TRPS1: variants seen among roughly 807,000 people sequenced by gnomAD.
The protein encoded by TRPS1 is transcriptional repressor GATA binding 1.
In TRPS1, 6 loss-of-function variants were observed where a neutral mutation model predicts 101.2. The observed-to-expected ratio is 0.06, with a 90% CI of 0.03 to 0.12. The LOEUF (loss-of-function observed/expected upper bound fraction) is 0.12, where lower values mean the gene tolerates loss of function less well. Among genes scored for constraint, TRPS1 ranks in the 10% least tolerant of loss-of-function variants. The pLI is 1.00. For synonymous variants in TRPS1, 578 were observed against 589.8 expected (o/e 0.98, Z 0.29); for missense variants, 1,363 against 1,567.0 (o/e 0.87, Z 2.20).
At chr8:115,635,582 T>C (rs1818749902) in intron 1 of TRPS1, among the ~76,000 whole-genome samples, 1 of 151,940 alleles carries the variant, frequency 6.6e-6, no homozygotes, top group Non-Finnish European at 1.5e-5. Flanking sequence ...AAGAAATAAA[T>C]AAACAAGGAA....
chr8:115,566,696 A>G (rs958293251), intron 5 of TRPS1, among the ~76,000 whole-genome samples: 1 of 152,116 alleles, frequency 6.6e-6, no homozygotes, highest in Non-Finnish European at 1.5e-5. Flanking sequence ...GGCAACTTCA[A>G]CCTCTATCTG....
chr8:115,618,270 T>C (rs950719727), intron 3 of TRPS1, among the ~76,000 whole-genome samples: 40 of 152,278 alleles, frequency 2.6e-4, no homozygotes, highest in African/African-American at 7.9e-4. Context: ...TAATACACTT[T>C]CTCAAGCTGA....
intron 5 of TRPS1, among the ~76,000 whole-genome samples, chr8:115,458,329 A>G (rs1365329230): frequency 6.6e-6 from 1 of 152,210 alleles, no homozygotes; most frequent in Non-Finnish European, 1.5e-5. Context: ...GTGAGTATTT[A>G]GTCAAGTTTA....
At chr8:115,482,662 G>T (rs1307561415) in intron 5 of TRPS1, among the ~76,000 whole-genome samples, 1 of 152,074 alleles carries the variant, frequency 6.6e-6, no homozygotes, top group African/African-American at 2.4e-5. Flanking sequence ...AGTCCCTAAG[G>T]CAAGGTAACT....
chr8:115,666,169 T>A (rs1467874916), intron 1 of TRPS1, among the ~76,000 whole-genome samples: 1 of 152,166 alleles, frequency 6.6e-6, no homozygotes, highest in Non-Finnish European at 1.5e-5. Context: ...GAGATGTTTT[T>A]ATCCAAAGGT....
intron 5 of TRPS1, among the ~76,000 whole-genome samples, chr8:115,534,110 GA>G: frequency 6.8e-6 from 1 of 146,336 alleles, no homozygotes; most frequent in African/African-American, 2.5e-5. Context: ...CTCTAACCCT[GA>G]TACCATCACA....
At chr8:115,524,389 C>G (rs910433301) in intron 5 of TRPS1, among the ~76,000 whole-genome samples, 4 of 139,408 alleles carry the variant, frequency 2.9e-5, no homozygotes, top group African/African-American at 1.1e-4. Context: ...GGTGTGATCT[C>G]AGCTCACCGC....
At position 115,517,988 on chromosome 8, in the gene TRPS1, C is replaced by T. The variant is rs921000812; in HGVS notation, c.2700+69013G>A. 4.0e-5 allele frequency among the ~76,000 whole-genome samples: 6 copies of T among 150,876 alleles called. No homozygotes were observed. The East Asian group carries it at 7.9e-4, about 20-fold the overall frequency. ...TGGATCCAGTAGATGTTCAGCAAGC[C>T]GCTCTGGTGTAGGAAAGGCTTCCAA... On this transcript the variant is annotated intron_variant, in intron 5 of 6. Coordinates refer to ENST00000395715, the MANE Select transcript of TRPS1 (RefSeq NM_014112.5).
intron 5 of TRPS1, among the ~76,000 whole-genome samples, chr8:115,526,845 A>G (rs144038976): frequency 1.3e-5 from 2 of 152,278 alleles, no homozygotes; most frequent in Admixed American, 6.5e-5. Context: ...CAGTAGCCCA[A>G]TTTTGAACAA....
Position 115,623,710 on chromosome 8 carries a change from G to C in TRPS1, c.-73C>G. 1 of 1,586,324 alleles carries C rather than the reference G, an allele frequency of 6.3e-7. No homozygotes were observed. Among genetic ancestry groups the C allele is most frequent in the Non-Finnish European group, 8.6e-7 (1 of 1,164,970 alleles). ...GCAGGAGGCTAATGCAATTGTCTTA[G>C]AAGACGCTCAGAAGACACAGAAGAC... On this transcript the variant is annotated 5_prime_UTR_variant, in exon 2 of 7. Transcript: ENST00000395715.
chr8:115,424,805 A>T (rs1351602357), intron 5 of TRPS1, among the ~76,000 whole-genome samples: 1 of 152,242 alleles, frequency 6.6e-6, no homozygotes, highest in Non-Finnish European at 1.5e-5. Context: ...TTAATTACCA[A>T]TAGAGTTGAC....
chr8:115,595,412 T>C (rs1215230224), intron 4 of TRPS1, among the ~76,000 whole-genome samples: 6 of 151,954 alleles, frequency 3.9e-5, no homozygotes, highest in Non-Finnish European at 8.9e-5. Context: ...AGAGGAGAAA[T>C]AGTCTACAGA....
chr8:115,667,847 C>G (rs1267265799), intron 1 of TRPS1: 10 of 1,535,254 alleles, frequency 6.5e-6, no homozygotes, highest in Non-Finnish European at 8.7e-6. Flanking sequence ...GAGACCCTCC[C>G]GACCCTCCCG....
chr8:115,535,265 CAT>C lies in TRPS1; in HGVS notation c.2700+51734_2700+51735del, dbSNP rs1189787131. Among the ~76,000 whole-genome samples the C allele has an allele frequency of 3.9e-4, 54 of 138,822 alleles. 3 individuals are homozygous for C. The highest frequency in any genetic ancestry group is 1.9e-3 in the East Asian group (9 of 4,710). 91.1% of individuals were successfully genotyped at this position (138,822 alleles called of 152,430 possible). A position where few individuals can be genotyped will look rare whatever the true frequency, so the allele number is the denominator to read the frequency against. The stretch of plus-strand genomic sequence containing the variant: ...TATAGCATATATAGCATATATATAG[CAT>C]ATATATAGCATATATAGCATATATA... On this transcript the variant is annotated intron_variant, in intron 5 of 6. Coordinates refer to ENST00000395715, the MANE Select transcript of TRPS1 (RefSeq NM_014112.5).
chr8:115,610,250 TA>T (rs552277823), intron 3 of TRPS1, among the ~76,000 whole-genome samples: 2,918 of 151,380 alleles, frequency 0.019, 75 homozygotes, highest in African/African-American at 0.066. Flanking sequence ...GCTAAGTTGT[TA>T]AAAAAAAATC....
rs1275638508 is a variant in TRPS1 at position 115,430,834 on chromosome 8, T to C, written c.2701-12382A>G. On this transcript the variant is annotated intron_variant, in intron 5 of 6. Coordinates refer to ENST00000395715, the MANE Select transcript of TRPS1 (RefSeq NM_014112.5). Reference sequence around the variant, plus strand: ...TTCATTAAAGCAATATCATATTTTATAAGTGGGATTAAAACACCAACAATG... The same window carrying C: ...TTCATTAAAGCAATATCATATTTTACAAGTGGGATTAAAACACCAACAATG... Among the ~76,000 whole-genome samples the C allele has an allele frequency of 2.0e-5, 3 of 152,036 alleles. No homozygotes were observed. The East Asian group carries it at 5.8e-4, about 29-fold the overall frequency.
chr8:115,633,168 A>C (rs906862835), intron 1 of TRPS1, among the ~76,000 whole-genome samples: 6 of 152,124 alleles, frequency 3.9e-5, no homozygotes, highest in Non-Finnish European at 8.8e-5. Context: ...GTGCCCCAGC[A>C]GGCAAACAGG....
chr8:115,661,257 C>T (rs1374579824), intron 1 of TRPS1, among the ~76,000 whole-genome samples: 1 of 152,026 alleles, frequency 6.6e-6, no homozygotes, highest in African/African-American at 2.4e-5. Flanking sequence ...ACTCCATACT[C>T]ATTTCAAACT....
chr8:115,648,843 T>G (rs1811492077), intron 1 of TRPS1, among the ~76,000 whole-genome samples: 1 of 147,856 alleles, frequency 6.8e-6, no homozygotes, highest in Non-Finnish European at 1.5e-5. Context: ...CCACGCTTTC[T>G]TTTTTTTTTT....
Sources: gnomAD v4.1 joint callset for allele counts (sites outside exome capture counted in the v4.1 genomes callset) on GRCh38, gnomAD v4.1.1 for gene constraint, MANE v1.5 for transcripts, NCBI Gene and HGNC (gene_info 2026-07-23, HGNC 2026-07-21) for gene names.